DAB1: variants seen among roughly 807,000 people sequenced by gnomAD.
DAB1 encodes disabled homolog 1.
A neutral mutation model predicts 64.6 loss-of-function variants in DAB1; 15 were observed. The observed-to-expected ratio is 0.23, with a 90% CI of 0.16 to 0.36. DAB1 has a LOEUF of 0.36. DAB1 is among the 10% of genes least tolerant of loss of function. DAB1 has a pLI of 1.00. For missense variants in DAB1, 596 were observed against 706.7 expected (o/e 0.84, Z 1.78); for synonymous variants, 235 against 251.9 (o/e 0.93, Z 0.64).
chr1:57,006,396 T>C (rs78057087), intron 14 of DAB1, among the ~76,000 whole-genome samples: 3 of 152,162 alleles, frequency 2.0e-5, no homozygotes, highest in Admixed American at 2.0e-4. Flanking sequence ...ACTGGCACCA[T>C]GTAGATCCCC....
intron 3 of DAB1, among the ~76,000 whole-genome samples, chr1:58,367,167 C>T (rs868687321): frequency 1.3e-5 from 2 of 152,186 alleles, no homozygotes; most frequent in South Asian, 4.1e-4. Context: ...CTGCCACATA[C>T]CTAGCATGGA....
intron 4 of DAB1, among the ~76,000 whole-genome samples, chr1:58,324,686 G>A (rs1250306969): frequency 6.6e-6 from 1 of 152,156 alleles, no homozygotes; most frequent in African/African-American, 2.4e-5. Context: ...CCTCTTGGCT[G>A]ATCATGTCTA....
At chr1:57,385,549 T>C (rs1029343262) in intron 1 of DAB1, among the ~76,000 whole-genome samples, 1 of 152,138 alleles carries the variant, frequency 6.6e-6, no homozygotes, top group African/African-American at 2.4e-5. Flanking sequence ...AGCCCCTGCC[T>C]TGAAGGAGAC....
At chr1:58,123,132 C>G (rs747517018) in intron 5 of DAB1, among the ~76,000 whole-genome samples, 13 of 152,036 alleles carry the variant, frequency 8.6e-5, no homozygotes, top group Non-Finnish European at 1.5e-4. Context: ...TAGAGCTGGC[C>G]CCTGACTGGT....
At chr1:57,298,667 T>C (rs887951136) in intron 1 of DAB1, among the ~76,000 whole-genome samples, 3 of 152,128 alleles carry the variant, frequency 2.0e-5, no homozygotes, top group Non-Finnish European at 4.4e-5. Flanking sequence ...TTAGGCAACT[T>C]ACCAAAAGCC....
At chr1:57,267,261 T>C (rs35232728) in intron 2 of DAB1, among the ~76,000 whole-genome samples, 5,074 of 150,688 alleles carry the variant, frequency 0.034, 96 homozygotes, top group South Asian at 0.058. Flanking sequence ...GCAAAGAGCT[T>C]CCACAGGGAG....
At chr1:57,637,654 G>T (rs993885272) in intron 7 of DAB1, among the ~76,000 whole-genome samples, 3 of 152,194 alleles carry the variant, frequency 2.0e-5, no homozygotes, top group Admixed American at 6.5e-5. Context: ...AAGATCTTCA[G>T]ATTCTGTATT....
At chr1:57,731,311 G>A (rs372623246) in intron 6 of DAB1, among the ~76,000 whole-genome samples, 1 of 152,160 alleles carries the variant, frequency 6.6e-6, no homozygotes, top group East Asian at 1.9e-4. Flanking sequence ...GGTTTCCAGG[G>A]GACAGGGCCT....
intron 5 of DAB1, among the ~76,000 whole-genome samples, chr1:57,915,717 T>C (rs957621303): frequency 1.3e-5 from 2 of 152,114 alleles, no homozygotes; most frequent in African/African-American, 4.8e-5. Flanking sequence ...AGCTTGGATA[T>C]GTGTGTGACG....
At chr1:57,244,882 G>A (rs1668747581) in intron 2 of DAB1, among the ~76,000 whole-genome samples, 1 of 152,224 alleles carries the variant, frequency 6.6e-6, no homozygotes, top group East Asian at 1.9e-4. Context: ...GTTTAACTCT[G>A]TGTCCTTACC....
At chr1:57,221,517 G>A (rs1308894457) in intron 2 of DAB1, among the ~76,000 whole-genome samples, 1 of 151,050 alleles carries the variant, frequency 6.6e-6, no homozygotes, top group Non-Finnish European at 1.5e-5. Context: ...TTCACAAAAC[G>A]TTACAAAATA....
chr1:57,939,697 T>C (rs1280324334), intron 5 of DAB1, among the ~76,000 whole-genome samples: 1 of 152,194 alleles, frequency 6.6e-6, no homozygotes, highest in Non-Finnish European at 1.5e-5. Context: ...TTCTTGAGGA[T>C]GTTGAACAAA....
intron 3 of DAB1, among the ~76,000 whole-genome samples, chr1:58,347,798 A>G (rs1644015770): frequency 7.3e-6 from 1 of 137,096 alleles, no homozygotes; most frequent in African/African-American, 2.4e-5. Flanking sequence ...AAGGGAGGGA[A>G]AGAGAAGCTA....
chr1:58,493,303 CA>C (rs1202335483), intron 3 of DAB1, among the ~76,000 whole-genome samples: 2 of 152,124 alleles, frequency 1.3e-5, no homozygotes, highest in African/African-American at 2.4e-5. Flanking sequence ...AACTCACAGC[CA>C]ATATCATACT....
chr1:58,384,253 A>G (rs1644414447), intron 3 of DAB1, among the ~76,000 whole-genome samples: 2 of 147,016 alleles, frequency 1.4e-5, no homozygotes, highest in Non-Finnish European at 2.9e-5. Flanking sequence ...ATGGACTTGG[A>G]AAAAAAAATA....
At chr1:58,437,008 G>A (rs1293870026) in intron 3 of DAB1, among the ~76,000 whole-genome samples, 4 of 152,198 alleles carry the variant, frequency 2.6e-5, no homozygotes, top group African/African-American at 4.8e-5. Flanking sequence ...CTGGGACCTC[G>A]ACAACAGCCC....
intron 4 of DAB1, among the ~76,000 whole-genome samples, chr1:58,300,545 AAAGAAAG>A (rs1209656509): frequency 3.8e-4 from 8 of 20,916 alleles, no homozygotes; most frequent in Non-Finnish European, 7.7e-4. Context: ...GAAACTCTGA[AAAGAAAG>A]AAAGAAAGAA....
At chr1:58,084,753 G>C (rs975679715) in intron 5 of DAB1, among the ~76,000 whole-genome samples, 3 of 150,320 alleles carry the variant, frequency 2.0e-5, no homozygotes, top group African/African-American at 7.3e-5. Context: ...TACTTCAGAG[G>C]GGGAAAATTT....
intron 2 of DAB1, among the ~76,000 whole-genome samples, chr1:57,241,854 CCAT>C (rs1480933975): frequency 6.6e-6 from 1 of 152,156 alleles, no homozygotes; most frequent in Non-Finnish European, 1.5e-5. Context: ...CTGCTAGGCC[CCAT>C]CCACATATCA....
Sources: allele counts gnomAD v4.1 joint callset (sites outside exome capture counted in the v4.1 genomes callset), GRCh38; gene constraint gnomAD v4.1.1; transcripts MANE v1.5; gene names NCBI Gene and HGNC (gene_info 2026-07-23, HGNC 2026-07-21).